The following AGL variants were observed in gnomAD, a reference collection of about 807,000 sequenced individuals.
AGL encodes the protein amylo-alpha-1,6-glucosidase and 4-alpha-glucanotransferase.
Under a neutral mutation model 199.3 loss-of-function variants are expected in AGL, and 128 were observed. The observed-to-expected ratio is 0.64, with a 90% confidence interval of 0.56 to 0.74. The LOEUF (loss-of-function observed/expected upper bound fraction) is 0.74. Among genes scored for constraint, AGL ranks in the 30% least tolerant of loss-of-function variants. The pLI is 0.00. For missense variants in AGL, 1,809 were observed against 1,820.8 expected (o/e 0.99, Z 0.12); for synonymous variants, 584 against 594.7 (o/e 0.98, Z 0.26).
At chr1:99,921,486 A>T in intron 33 of AGL, 48 bp from the exon 34 acceptor site, 1 of 1,349,182 alleles carries the variant, frequency 7.4e-7, no homozygotes. Flanking sequence ...CTATTTTGTT[A>T]ATATGAATTA....
At chr1:99,913,423 C>A (rs572660429) in intron 29 of AGL, 104 bp from the exon 30 acceptor site, 4 of 967,730 alleles carry the variant, frequency 4.1e-6, no homozygotes, top group Non-Finnish European at 6.4e-6. Flanking sequence ...TAATTTATTG[C>A]CTTGTAGTAG....
intron 27 of AGL, among the ~76,000 whole-genome samples, chr1:99,905,501 C>T (rs2100833217): frequency 6.6e-6 from 1 of 152,218 alleles, no homozygotes; most frequent in South Asian, 2.1e-4. Flanking sequence ...TATGGAATAT[C>T]TTTTCATGTG....
chr1:99,882,158 AAG>A (rs1652092825), intron 17 of AGL, among the ~76,000 whole-genome samples: 3 of 151,842 alleles, frequency 2.0e-5, no homozygotes, highest in South Asian at 2.1e-4. Flanking sequence ...AAAAAAAAGA[AAG>A]AAATTTTTGG....
At chr1:99,912,805 C>G (rs1276556497) in intron 29 of AGL, among the ~76,000 whole-genome samples, 3 of 152,214 alleles carry the variant, frequency 2.0e-5, no homozygotes, top group African/African-American at 7.2e-5. Flanking sequence ...ATTTTGCAAT[C>G]TTTACATGTC....
rs1384109214 is a variant in AGL at position 99,875,276 on chromosome 1, T to C, written c.1185+20T>C. 1 of 1,612,220 alleles carries C rather than the reference T, an allele frequency of 6.2e-7. No individual in the cohort carries two copies. Among genetic ancestry groups the C allele is most frequent in the South Asian group, 1.1e-5 (1 of 91,050 alleles). On this transcript the variant is annotated intron_variant, in intron 9 of 33. Coordinates refer to ENST00000361915, the MANE Select transcript of AGL (RefSeq NM_000642.3). Reference sequence around the variant, plus strand: ...GAACAGGTTTTACTTATTTTTGAACTGCTGCTTTTCCTTGCATCTTACTAC... The same window carrying C: ...GAACAGGTTTTACTTATTTTTGAACCGCTGCTTTTCCTTGCATCTTACTAC...
At chr1:99,910,042 T>C (rs1049210867) in intron 27 of AGL, among the ~76,000 whole-genome samples, 1 of 152,214 alleles carries the variant, frequency 6.6e-6, no homozygotes. Context: ...TATCTTACTA[T>C]ATATGTCCTT....
rs2100792381 is a variant in AGL, at chr1:99,892,471, A to G, written c.3123A>G (p.Ser1041=). ...QNGSTFVKHL[S]LGSVQLCGVG... ...GTTCAACCTTTGTGAAACACCTTTC[A>G]TTGGGTTCAGTTCAACTGTGTGGAG... Residue 1041 remains serine, a synonymous_variant, in exon 24 of 34, where the codon TCA becomes TCG. Transcript: ENST00000361915. The G allele has an allele frequency of 1.9e-6, 3 of 1,613,604 alleles. No homozygotes were observed. The highest frequency in any genetic ancestry group is 2.5e-6 in the Non-Finnish European group (3 of 1,179,672).
At chr1:99,879,475 T>G (rs1178228185) in intron 12 of AGL, among the ~76,000 whole-genome samples, 2 of 152,056 alleles carry the variant, frequency 1.3e-5, no homozygotes, top group Non-Finnish European at 2.9e-5. Flanking sequence ...TCCCAGCTAC[T>G]CGGGAGGCTG....
intron 24 of AGL, among the ~76,000 whole-genome samples, chr1:99,893,912 A>G (rs1048746344): frequency 6.6e-6 from 1 of 152,132 alleles, no homozygotes; most frequent in Non-Finnish European, 1.5e-5. Context: ...ATTAAAAACA[A>G]TGGTTCATAC....
At chr1:99,920,324 C>A (rs1655429265) in intron 33 of AGL, among the ~76,000 whole-genome samples, 1 of 152,210 alleles carries the variant, frequency 6.6e-6, no homozygotes, top group South Asian at 2.1e-4. Context: ...AGCCCTGTCT[C>A]CTAGCTGCTG....
Position 99,900,796 on chromosome 1 carries a change from C to G in AGL, c.3523C>G (p.Leu1175Val). The G allele has an allele frequency of 6.2e-7, 1 of 1,613,910 alleles. No individual in the cohort carries two copies. Among genetic ancestry groups the G allele is most frequent in the Non-Finnish European group, 8.5e-7 (1 of 1,179,966 alleles). ...AATGGTTCCAAATGGTCTAGACATT[C>G]TCAAGTGCCCAGTTTCCAGAATGTA... is the stretch of plus-strand genomic sequence containing the variant. ...CKMVPNGLDILKCPVSRMYPT... is the reference protein window; with the variant it reads ...CKMVPNGLDIVKCPVSRMYPT... The change falls in exon 26 of 34, where the codon CTC becomes GTC. Residue 1175 changes from leucine (L) to valine (V), a missense_variant. Physicochemically the swap from Leu to Val is conservative, Grantham distance 32. Transcript: ENST00000361915.
chr1:99,905,646 C>T (rs750196132), intron 27 of AGL, among the ~76,000 whole-genome samples: 5 of 152,180 alleles, frequency 3.3e-5, no homozygotes, highest in Admixed American at 6.5e-5. Flanking sequence ...TGCATCATAG[C>T]TCACTCAACT....
In AGL at chr1:99,868,906, C is replaced by T. The variant is rs936811670; in HGVS notation, c.665-1494C>T. Among the ~76,000 whole-genome samples, 10 of 150,414 alleles carry T rather than the reference C, an allele frequency of 6.6e-5. No homozygotes were observed. The Admixed American group carries it at 6.7e-4, about 10-fold the overall frequency. Reference sequence around the variant, plus strand: ...GTGGCACAATCTCAGTTCATTGCAACCTCCACTTATTGGGGTCAAGCAGCC... The same window carrying T: ...GTGGCACAATCTCAGTTCATTGCAATCTCCACTTATTGGGGTCAAGCAGCC... On this transcript the variant is annotated intron_variant, in intron 5 of 33. Coordinates refer to ENST00000361915, the MANE Select transcript of AGL (RefSeq NM_000642.3).
At position 99,920,258 on chromosome 1, in the gene AGL, T is replaced by A. The variant is rs373282904; in HGVS notation, c.4482-1276T>A. Among the ~76,000 whole-genome samples the A allele has an allele frequency of 5.9e-5, 9 of 152,020 alleles. 1 individual carries two copies. Among genetic ancestry groups the A allele is most frequent in the Admixed American group, 5.9e-4 (9 of 15,268 alleles). On this transcript the variant is annotated intron_variant, in intron 33 of 33. Coordinates refer to ENST00000361915, the MANE Select transcript of AGL (RefSeq NM_000642.3). ...TTCTGGAGGCCAGAAATCTGAAAAA[T>A]CAAGGCATGGGCAGAGCCATGCTCC... is the stretch of plus-strand genomic sequence containing the variant.
intron 20 of AGL, among the ~76,000 whole-genome samples, chr1:99,886,318 G>A (rs1179311783): frequency 6.6e-6 from 1 of 151,914 alleles, no homozygotes; most frequent in African/African-American, 2.4e-5. Flanking sequence ...TCTACAAAAC[G>A]TTTTAAAAAA....
chr1:99,874,920 G>A lies in AGL; in HGVS notation c.1082+110G>A. On this transcript the variant is annotated intron_variant, in intron 8 of 33. Coordinates refer to ENST00000361915, the MANE Select transcript of AGL (RefSeq NM_000642.3). ...AACGCTTAATAGAAAATGAAATAAA[G>A]TAATTCACTGTAATTCTACTATTTC... The A allele has an allele frequency of 3.1e-6, 4 of 1,286,930 alleles. No individual in the cohort carries two copies. In the South Asian group the frequency reaches 5.3e-5, roughly 17 times the overall value. The allele number at this position is 1,286,930 out of a possible 1,614,324, so 79.7% of individuals were successfully genotyped here.
intron 7 of AGL, among the ~76,000 whole-genome samples, chr1:99,871,170 A>G (rs989181232): frequency 1.3e-5 from 2 of 152,180 alleles, no homozygotes; most frequent in Non-Finnish European, 2.9e-5. Context: ...AATGGGAAGT[A>G]GGTTGAACAG....
intron 2 of AGL, among the ~76,000 whole-genome samples, chr1:99,859,364 TA>T (rs994532208): frequency 4.6e-5 from 7 of 150,908 alleles, no homozygotes; most frequent in African/African-American, 1.7e-4. Flanking sequence ...GTTTTTTTTT[TA>T]ATTAGGATTA....
Position 99,914,054 on chromosome 1 carries a change from C to T in AGL, c.4161+316C>T, listed in dbSNP as rs563669714. 2.0e-5 allele frequency among the ~76,000 whole-genome samples: 3 copies of T among 152,134 alleles called. No homozygotes were observed. In the South Asian group the frequency reaches 6.2e-4, roughly 32 times the overall value. On this transcript the variant is annotated intron_variant, in intron 30 of 33. Coordinates refer to ENST00000361915, the MANE Select transcript of AGL (RefSeq NM_000642.3). ...GGCTCACACACTTGGCGGACTGAGG[C>T]AGGAGGATCACTTCAGCCCAGGAGT...
Sources: allele counts gnomAD v4.1 joint callset (sites outside exome capture counted in the v4.1 genomes callset), GRCh38; gene constraint gnomAD v4.1.1; transcripts MANE v1.5; gene names NCBI Gene and HGNC (gene_info 2026-07-23, HGNC 2026-07-21).